The following SPACA6 variants were observed in gnomAD, a reference collection of about 807,000 sequenced individuals.
SPACA6 encodes sperm acrosome associated 6.
For missense variants in SPACA6, 8 were observed against 2.8 expected (o/e 2.88, Z -1.34); for synonymous variants, 6 against 1.5 (o/e 4.05, Z -2.21).
At chr19:51,686,024 A>G (rs2083326905), upstream of SPACA6, 1 of 152,192 alleles carries the variant, frequency 6.6e-6, no homozygotes, top group Non-Finnish European at 1.5e-5. Context: ...AGTGAAGGCA[A>G]TGATGGATCC....
chr19:51,701,636 C>G, intron 2 of SPACA6, 22 bp from the exon 3 acceptor site: 1 of 398,800 alleles, frequency 2.5e-6, no homozygotes, highest in Non-Finnish European at 4.4e-6. Context: ...CTACACAGGC[C>G]GTCCTCCCCT....
chr19:51,687,781 C>T (rs1389584504), upstream of SPACA6: 2 of 152,224 alleles, frequency 1.3e-5, no homozygotes, highest in African/African-American at 4.8e-5. Context: ...CCTCTTCTTC[C>T]TCCTAGTTCC....
chr19:51,693,298 C>G, upstream of SPACA6: 1 of 752,946 alleles, frequency 1.3e-6, no homozygotes, highest in South Asian at 1.4e-5. Context: ...GTGAGGACAT[C>G]CAGGGTCACA....
At chr19:51,698,479 T>A (rs1043252843) in intron 2 of SPACA6, among the ~76,000 whole-genome samples, 1 of 152,178 alleles carries the variant, frequency 6.6e-6, no homozygotes, top group Non-Finnish European at 1.5e-5. Context: ...GTCATTTGAT[T>A]TGGCACATAG....
intron 2 of SPACA6, chr19:51,711,949 G>A (rs1408295253): frequency 6.6e-6 from 1 of 152,160 alleles, no homozygotes; most frequent in Non-Finnish European, 1.5e-5. Flanking sequence ...TGATGAAAAT[G>A]TTCTAAAATT....
chr19:51,699,817 TG>T (rs1393997795), intron 2 of SPACA6, among the ~76,000 whole-genome samples: 3 of 151,784 alleles, frequency 2.0e-5, no homozygotes, highest in Non-Finnish European at 4.4e-5. Context: ...TTGCGGGGGA[TG>T]GGGGGTGGGC....
At chr19:51,701,839 G>A in intron 3 of SPACA6, 113 bp downstream of exon 3, 1 of 383,748 alleles carries the variant, frequency 2.6e-6, no homozygotes, top group East Asian at 3.7e-5. Flanking sequence ...TTGGAAGGCT[G>A]AGGCGGGCAG....
chr19:51,702,953 C>A (rs1003788642), intron 4 of SPACA6, 68 bp from the exon 5 acceptor site: 6 of 398,988 alleles, frequency 1.5e-5, no homozygotes, highest in Non-Finnish European at 2.7e-5. Context: ...GCATGGATCT[C>A]AAATGGGCCA....
At chr19:51,688,897 AAGAGGGAGAGAG>A (rs757130266), upstream of SPACA6, among the ~76,000 whole-genome samples, 2 of 145,202 alleles carry the variant, frequency 1.4e-5, no homozygotes, top group Non-Finnish European at 1.5e-5. Flanking sequence ...GGAGGAGGGA[AAGAGGGAGAGAG>A]AGAGAGAGAG....
chr19:51,708,998 A>C (rs1312751958), downstream of SPACA6, among the ~76,000 whole-genome samples: 1 of 152,166 alleles, frequency 6.6e-6, no homozygotes, highest in African/African-American at 2.4e-5. Flanking sequence ...AAGTGGATAC[A>C]CAGTGAAGTC....
At chr19:51,705,230 T>C (rs1280676773), downstream of SPACA6, 1 of 399,934 alleles carries the variant, frequency 2.5e-6, no homozygotes, top group Admixed American at 4.4e-5. Context: ...CTAACTCAGG[T>C]AGGAGGAGGT....
chr19:51,711,053 C>T (rs1568622768), intron 2 of SPACA6, among the ~76,000 whole-genome samples: 1 of 152,060 alleles, frequency 6.6e-6, no homozygotes, highest in East Asian at 1.9e-4. Context: ...GAACTCCAGC[C>T]TGGGCGACAG....
Position 51,693,554 on chromosome 19 carries a change from G to A in SPACA6, c.28G>A (p.Val10Ile), listed in dbSNP as rs984837959. The A allele has an allele frequency of 3.4e-5, 16 of 467,832 alleles. No homozygotes were observed. Among genetic ancestry groups the A allele is most frequent in the Admixed American group, 2.3e-4 (7 of 30,680 alleles). 29.0% of individuals were successfully genotyped at this position (467,832 alleles called of 1,614,324 possible). Reference protein sequence around the residue: MALLALASAVPSALLALAVF... With the variant: MALLALASAIPSALLALAVF... ...GGCCCTGCTGGCTCTGGCCAGTGCCGTCCCGTCTGCCCTGCTGGCCCTGGC... is the reference window on the plus strand; with the variant it reads ...GGCCCTGCTGGCTCTGGCCAGTGCCATCCCGTCTGCCCTGCTGGCCCTGGC... The change falls in exon 1 of 9, where the codon GTC (valine) becomes ATC (isoleucine). Residue 10 changes from valine to isoleucine, a missense_variant. Physicochemically the swap from Val to Ile is conservative, Grantham distance 29. Coordinates refer to ENST00000637797, the MANE Select transcript of SPACA6 (RefSeq NM_001316972.2).
At position 51,704,384 on chromosome 19, in the gene SPACA6, A is replaced by G; in HGVS notation, c.845A>G (p.Glu282Gly). The change falls in exon 8 of 9, where the codon GAG becomes GGG. Residue 282 changes from glutamate to glycine, a missense_variant. By Grantham distance (98) the Glu-to-Gly change is moderately conservative. Transcript: ENST00000637797. ...GAGCCCTGGAGGCCCAGCCTGGGCG[A>G]GCTGCTGGCCAGGCCCGAGGCTCTG... ...LIEPWRPSLG[E>G]LLARPEALTP... The G allele has an allele frequency of 2.5e-6, 1 of 401,080 alleles. No individual in the cohort carries two copies. The highest frequency in any genetic ancestry group is 4.4e-6 in the Non-Finnish European group (1 of 226,244). 24.8% of individuals were successfully genotyped at this position (401,080 alleles called of 1,614,324 possible). A position where few individuals can be genotyped will look rare whatever the true frequency, so the allele number is the denominator to read the frequency against.
At chr19:51,690,371 C>G (rs1430235481), upstream of SPACA6, among the ~76,000 whole-genome samples, 1 of 152,108 alleles carries the variant, frequency 6.6e-6, no homozygotes, top group African/African-American at 2.4e-5. Context: ...ACCCTCTGTT[C>G]CTCTAGAACC....
chr19:51,684,215 C>T (rs1183482755), upstream of SPACA6, among the ~76,000 whole-genome samples: 1 of 152,098 alleles, frequency 6.6e-6, no homozygotes, highest in East Asian at 1.9e-4. Flanking sequence ...AAGAGATGAT[C>T]TATTATCAGA....
intron 2 of SPACA6, among the ~76,000 whole-genome samples, chr19:51,699,268 C>T (rs530438103): frequency 2.6e-5 from 4 of 152,170 alleles, no homozygotes; most frequent in Non-Finnish European, 4.4e-5. Flanking sequence ...CTCAGCCTCC[C>T]GAGTAGCTGT....
chr19:51,712,575 A>G (rs10419792), downstream of SPACA6, among the ~76,000 whole-genome samples: 61,705 of 151,856 alleles, frequency 0.41, 12,638 homozygotes, highest in East Asian at 0.52. Flanking sequence ...TGAGCAGACA[A>G]AGAGGACATA....
Position 51,710,741 on chromosome 19 carries a change from A to G in SPACA6, n.200-1292A>G, listed in dbSNP as rs568443951. 5.3e-5 allele frequency among the ~76,000 whole-genome samples: 8 copies of G among 152,344 alleles called. 1 individual carries two copies. The South Asian group carries it at 1.7e-3, about 32-fold the overall frequency. The stretch of plus-strand genomic sequence containing the variant: ...GTAAGAGACGAGGATGAGAGGATCC[A>G]GGAAAGAAAACAAGGTGGAGGAAAG... On this transcript the variant is annotated intron_variant and non_coding_transcript_variant, in intron 2 of 2. Coordinates refer to the SPACA6 transcript ENST00000573896.
Sources: allele counts gnomAD v4.1 joint callset (sites outside exome capture counted in the v4.1 genomes callset), GRCh38; gene constraint gnomAD v4.1.1; transcripts MANE v1.5; gene names NCBI Gene and HGNC (gene_info 2026-07-23, HGNC 2026-07-21).